ASAP1: variants seen among roughly 807,000 people sequenced by gnomAD.
ASAP1 encodes the protein ArfGAP with SH3 domain, ankyrin repeat and PH domain 1, also known as arf-GAP with SH3 domain, ANK repeat and PH domain-containing protein 1.
In ASAP1, 43 loss-of-function variants were observed where a neutral mutation model predicts 145.2. That is an observed-to-expected ratio of 0.30 (90% CI 0.23 to 0.38). The LOEUF (loss-of-function observed/expected upper bound fraction) is 0.38, where lower values mean the gene tolerates loss of function less well. Ranked by LOEUF, ASAP1 falls within the 10% of genes least tolerant of loss-of-function variation. The pLI is 1.00. For missense variants in ASAP1, 1,018 were observed against 1,355.3 expected, an observed-to-expected ratio of 0.75 and a Z score of 3.91; for synonymous variants, 546 against 515.5, an observed-to-expected ratio of 1.06 and a Z score of -0.80.
chr8:130,202,447 C>T (rs1425420945), intron 5 of ASAP1, among the ~76,000 whole-genome samples: 1 of 152,188 alleles, frequency 6.6e-6, no homozygotes, highest in Non-Finnish European at 1.5e-5. Context: ...GATTCTGGAA[C>T]AGAGTGGGCA....
chr8:130,380,178 T>C (rs954060644), intron 2 of ASAP1, among the ~76,000 whole-genome samples: 1 of 151,914 alleles, frequency 6.6e-6, no homozygotes, highest in African/African-American at 2.4e-5. Flanking sequence ...CCCAACTAGA[T>C]GAATGGGGAA....
intron 2 of ASAP1, among the ~76,000 whole-genome samples, chr8:130,396,209 G>C (rs539659528): frequency 2.0e-5 from 3 of 152,184 alleles, no homozygotes; most frequent in Non-Finnish European, 4.4e-5. Context: ...AGAGACTTGA[G>C]CAAATTAGAT....
rs375501142 is a variant in ASAP1, at chr8:130,296,234, T to C, written c.187-59240A>G. 7.2e-5 allele frequency among the ~76,000 whole-genome samples: 11 copies of C among 152,336 alleles called. No homozygotes were observed. In the East Asian group the frequency reaches 9.6e-4, roughly 13 times the overall value. Reference sequence around the variant, plus strand: ...AAGACAGTCCCCACTCTGGGGATGATGTTTCTTGCTAAACAGAGGTTTACC... The same window carrying C: ...AAGACAGTCCCCACTCTGGGGATGACGTTTCTTGCTAAACAGAGGTTTACC... On this transcript the variant is annotated intron_variant, in intron 3 of 29. Transcript: ENST00000518721.
chr8:130,172,834 C>T (rs1377606671), intron 9 of ASAP1, among the ~76,000 whole-genome samples: 1 of 152,148 alleles, frequency 6.6e-6, no homozygotes, highest in Non-Finnish European at 1.5e-5. Flanking sequence ...AAATTCCTGC[C>T]AATTACAAGG....
chr8:130,079,384 G>GA (rs929309253), intron 26 of ASAP1, among the ~76,000 whole-genome samples: 1 of 150,934 alleles, frequency 6.6e-6, no homozygotes, highest in African/African-American at 2.4e-5. Flanking sequence ...CAATTTCAGT[G>GA]AAAAAAGGGA....
intron 7 of ASAP1, among the ~76,000 whole-genome samples, chr8:130,181,407 CAGAA>C (rs1282024975): frequency 6.6e-6 from 1 of 152,100 alleles, no homozygotes; most frequent in African/African-American, 2.4e-5. Context: ...AAAAAAGAAT[CAGAA>C]AGTTGGAGAC....
chr8:130,385,847 G>T (rs1027529954), intron 2 of ASAP1, among the ~76,000 whole-genome samples: 1 of 152,160 alleles, frequency 6.6e-6, no homozygotes, highest in African/African-American at 2.4e-5. Flanking sequence ...TACTCCTGCC[G>T]GTGAATGCAT....
intron 5 of ASAP1, among the ~76,000 whole-genome samples, chr8:130,189,781 T>A (rs1388740885): frequency 6.6e-6 from 1 of 152,204 alleles, no homozygotes; most frequent in Non-Finnish European, 1.5e-5. Context: ...CAACAGCGTA[T>A]GAGAGTTCCC....
chr8:130,207,446 A>G (rs926228404), intron 5 of ASAP1, among the ~76,000 whole-genome samples: 7 of 152,240 alleles, frequency 4.6e-5, no homozygotes, highest in Non-Finnish European at 1.0e-4. Context: ...GGCAACTCCA[A>G]GAGGATACGG....
chr8:130,093,005 C>T, intron 24 of ASAP1, among the ~76,000 whole-genome samples: 1 of 150,946 alleles, frequency 6.6e-6, no homozygotes, highest in Non-Finnish European at 1.5e-5. Flanking sequence ...TAAAGCATTA[C>T]CTAGAAAAAA....
At chr8:130,161,771 C>A (rs2097669712) in intron 11 of ASAP1, among the ~76,000 whole-genome samples, 1 of 151,192 alleles carries the variant, frequency 6.6e-6, no homozygotes, top group African/African-American at 2.5e-5. Context: ...TTGCAAAATT[C>A]TCCCTAAATA....
At chr8:130,296,344 C>T (rs941465303) in intron 3 of ASAP1, among the ~76,000 whole-genome samples, 9 of 152,286 alleles carry the variant, frequency 5.9e-5, no homozygotes, top group African/African-American at 2.2e-4. Flanking sequence ...TGAGAGTCAC[C>T]TCAGCTCCAC....
At chr8:130,251,014 G>A (rs1819163551) in intron 3 of ASAP1, among the ~76,000 whole-genome samples, 1 of 152,120 alleles carries the variant, frequency 6.6e-6, no homozygotes, top group Non-Finnish European at 1.5e-5. Context: ...TCCCAACAAA[G>A]ATAAAGTAAA....
intron 1 of ASAP1, among the ~76,000 whole-genome samples, chr8:130,427,151 G>A (rs977182206): frequency 6.6e-6 from 1 of 152,106 alleles, no homozygotes; most frequent in South Asian, 2.1e-4. Flanking sequence ...TGGCCACTCT[G>A]TTCAGTGGCT....
intron 3 of ASAP1, among the ~76,000 whole-genome samples, chr8:130,284,901 AAGAG>A (rs371375198): frequency 5.4e-4 from 78 of 143,518 alleles, no homozygotes; most frequent in African/African-American, 1.7e-3. Flanking sequence ...GAGAGAGAGA[AAGAG>A]AGAGAGAGAC....
intron 3 of ASAP1, among the ~76,000 whole-genome samples, chr8:130,280,553 A>G (rs1315439370): frequency 6.6e-6 from 1 of 152,252 alleles, no homozygotes; most frequent in Non-Finnish European, 1.5e-5. Flanking sequence ...CATGATTCAT[A>G]TAATTTAATA....
intron 5 of ASAP1, among the ~76,000 whole-genome samples, chr8:130,195,691 G>A (rs1327703764): frequency 6.6e-6 from 1 of 152,106 alleles, no homozygotes; most frequent in Non-Finnish European, 1.5e-5. Flanking sequence ...GGGAGGCCGA[G>A]GTCTATCTTT....
At chr8:130,207,255 T>C (rs373344494) in intron 5 of ASAP1, among the ~76,000 whole-genome samples, 14 of 152,306 alleles carry the variant, frequency 9.2e-5, no homozygotes, top group African/African-American at 3.4e-4. Context: ...TGTCTGGAGT[T>C]GGCTTTGATT....
At chr8:130,228,230 T>A (rs1045110765) in intron 4 of ASAP1, among the ~76,000 whole-genome samples, 3 of 152,092 alleles carry the variant, frequency 2.0e-5, no homozygotes, top group African/African-American at 7.2e-5. Context: ...CCTAGGAGCA[T>A]CCTAGCTCCT....
Sources: gnomAD v4.1 joint callset for allele counts (sites outside exome capture counted in the v4.1 genomes callset) on GRCh38, gnomAD v4.1.1 for gene constraint, MANE v1.5 for transcripts, NCBI Gene and HGNC (gene_info 2026-07-23, HGNC 2026-07-21) for gene names.